Variants in UXS1 observed in about 807,000 individuals in gnomAD.
UXS1 encodes UDP-glucuronate decarboxylase 1, also known as UDP-glucuronic acid decarboxylase 1.
UXS1 carries 33 observed loss-of-function variants against 62.6 expected under a neutral mutation model. That is an observed-to-expected ratio of 0.53 (90% CI 0.40 to 0.70). The LOEUF (loss-of-function observed/expected upper bound fraction) is 0.70, where lower values mean the gene tolerates loss of function less well. UXS1 is among the 30% of genes least tolerant of loss of function. The pLI is 0.00. For missense variants in UXS1, 434 were observed against 556.3 expected, an observed-to-expected ratio of 0.78 and a Z score of 2.21; for synonymous variants, 213 against 206.8, an observed-to-expected ratio of 1.03 and a Z score of -0.26.
chr2:106,145,171 A>G lies in UXS1; in HGVS notation c.472+19T>C. The G allele has an allele frequency of 6.2e-7, 1 of 1,609,350 alleles. No homozygotes were observed. The highest frequency in any genetic ancestry group is 8.5e-7 in the Non-Finnish European group (1 of 1,177,260). ...ACCTGCGGAGCTCTGAATAATAACA[A>G]TGTGCAGTTTTCACTCACCCTCGAT... is the stretch of plus-strand genomic sequence containing the variant. On this transcript the variant is annotated intron_variant, in intron 6 of 14. Coordinates refer to ENST00000283148, the MANE Select transcript of UXS1 (RefSeq NM_001253875.2).
chr2:106,158,942 G>C (rs1682675504), intron 4 of UXS1, among the ~76,000 whole-genome samples: 1 of 152,210 alleles, frequency 6.6e-6, no homozygotes, highest in African/African-American at 2.4e-5. Flanking sequence ...TGGCTTCCAT[G>C]AATTGATTCA....
At chr2:106,144,986 G>C (rs1302314881) in intron 6 of UXS1, among the ~76,000 whole-genome samples, 1 of 152,164 alleles carries the variant, frequency 6.6e-6, no homozygotes, top group Non-Finnish European at 1.5e-5. Flanking sequence ...CCACGTAGGA[G>C]AGAAGACGGC....
chr2:106,155,981 C>T (rs1012086311), intron 5 of UXS1, among the ~76,000 whole-genome samples: 14 of 151,990 alleles, frequency 9.2e-5, no homozygotes, highest in Admixed American at 2.6e-4. Flanking sequence ...TCTTTGTGCC[C>T]TTAGTTTAGG....
intron 10 of UXS1, among the ~76,000 whole-genome samples, chr2:106,107,493 A>G (rs1445495650): frequency 6.6e-6 from 1 of 152,216 alleles, no homozygotes; most frequent in East Asian, 1.9e-4. Context: ...AATCCAGGGC[A>G]ATACATGCTG....
At chr2:106,166,875 G>C (rs1683249831) in intron 1 of UXS1, among the ~76,000 whole-genome samples, 1 of 152,164 alleles carries the variant, frequency 6.6e-6, no homozygotes, top group South Asian at 2.1e-4. Flanking sequence ...GTTTGAGGAA[G>C]AGCTAGTCAC....
chr2:106,171,367 G>A (rs1683546591), intron 1 of UXS1, among the ~76,000 whole-genome samples: 1 of 152,110 alleles, frequency 6.6e-6, no homozygotes, highest in South Asian at 2.1e-4. Context: ...AATCCTTTTA[G>A]AATACAGTCT....
At chr2:106,166,622 C>A (rs1683227810) in intron 1 of UXS1, 1 of 151,798 alleles carries the variant, frequency 6.6e-6, no homozygotes, top group African/African-American at 2.4e-5. Context: ...CTGCTCTGAG[C>A]TGTTTTTCTT....
intron 1 of UXS1, among the ~76,000 whole-genome samples, chr2:106,180,530 T>C (rs1427461747): frequency 6.6e-6 from 1 of 152,222 alleles, no homozygotes; most frequent in East Asian, 1.9e-4. Context: ...GAGCTGGAAA[T>C]AAGATACACT....
chr2:106,192,747 A>T (rs1685011321), intron 1 of UXS1, among the ~76,000 whole-genome samples: 1 of 152,216 alleles, frequency 6.6e-6, no homozygotes, highest in African/African-American at 2.4e-5. Flanking sequence ...CTGTGTGATC[A>T]TCCATAAATT....
intron 1 of UXS1, among the ~76,000 whole-genome samples, chr2:106,188,385 G>C (rs1684713249): frequency 6.6e-6 from 1 of 152,222 alleles, no homozygotes. Flanking sequence ...ACTGGGCCAG[G>C]CCTGGAGCAT....
intron 1 of UXS1, 100 bp from the exon 2 acceptor site, chr2:106,166,183 CA>C: frequency 8.3e-7 from 1 of 1,206,576 alleles, no homozygotes; most frequent in African/African-American, 1.6e-5. Context: ...TTAAATTTTA[CA>C]AAGAAAATTA....
chr2:106,127,384 T>C (rs1038630131), intron 7 of UXS1, among the ~76,000 whole-genome samples: 1 of 152,228 alleles, frequency 6.6e-6, no homozygotes, highest in Non-Finnish European at 1.5e-5. Flanking sequence ...GTTTATAGTT[T>C]TCTCTGAACT....
At chr2:106,139,601 C>T (rs1212619061) in intron 6 of UXS1, among the ~76,000 whole-genome samples, 1 of 152,162 alleles carries the variant, frequency 6.6e-6, no homozygotes, top group African/African-American at 2.4e-5. Context: ...CAGAACACAT[C>T]GGAGAAATCG....
intron 4 of UXS1, among the ~76,000 whole-genome samples, chr2:106,158,364 A>G (rs1021381921): frequency 6.6e-6 from 1 of 152,212 alleles, no homozygotes; most frequent in Non-Finnish European, 1.5e-5. Context: ...GAGAAGCAAA[A>G]GCGCAAGGAG....
intron 6 of UXS1, among the ~76,000 whole-genome samples, chr2:106,136,965 C>CAAAAAAAAAAAAAAAAAAAAAA (rs397701050): frequency 5.5e-5 from 3 of 54,178 alleles, no homozygotes; most frequent in Non-Finnish European, 1.1e-4. Flanking sequence ...AGAACACACA[C>CAAAAAAAAAAAAAAAAAAAAAA]AAAAAAAAAA....
intron 1 of UXS1, among the ~76,000 whole-genome samples, chr2:106,187,891 C>T (rs781606669): frequency 9.9e-5 from 15 of 152,108 alleles, no homozygotes; most frequent in Non-Finnish European, 1.6e-4. Context: ...CAGGCGCCCG[C>T]CACCATGCCC....
At position 106,096,828 on chromosome 2, in the gene UXS1, T is replaced by G; in HGVS notation, c.1043-7A>C. The G allele has an allele frequency of 6.4e-7, 1 of 1,572,462 alleles. No homozygotes were observed. The highest frequency in any genetic ancestry group is 8.6e-7 in the Non-Finnish European group (1 of 1,157,014). ...TGAATTTCACTTCCGCTACCTGAGA[T>G]GTTTAAAGAAAAAAAAGGTAGGAGA... On this transcript the variant is annotated splice_region_variant and splice_polypyrimidine_tract_variant and intron_variant, in intron 13 of 14. Transcript: ENST00000283148.
chr2:106,146,638 G>A (rs929407716), intron 5 of UXS1, among the ~76,000 whole-genome samples: 2 of 151,636 alleles, frequency 1.3e-5, no homozygotes, highest in African/African-American at 2.4e-5. Context: ...AAATTAGCTG[G>A]GCGTGGTGGC....
chr2:106,151,499 CT>C (rs1476539756), intron 5 of UXS1, among the ~76,000 whole-genome samples: 1 of 152,170 alleles, frequency 6.6e-6, no homozygotes, highest in Non-Finnish European at 1.5e-5. Context: ...CATCCACTCT[CT>C]GCCCTTCTGC....
Sources: allele counts gnomAD v4.1 joint callset (sites outside exome capture counted in the v4.1 genomes callset), GRCh38; gene constraint gnomAD v4.1.1; transcripts MANE v1.5; gene names NCBI Gene and HGNC (gene_info 2026-07-23, HGNC 2026-07-21).